ZMYM3: variants seen among roughly 807,000 people sequenced by gnomAD.
ZMYM3 encodes the protein zinc finger MYM-type protein 3.
In ZMYM3, 6 loss-of-function variants were observed where a neutral mutation model predicts 94.2. That is an observed-to-expected ratio of 0.06 (90% CI 0.03 to 0.13). The LOEUF (loss-of-function observed/expected upper bound fraction) is 0.13. Among genes scored for constraint, ZMYM3 ranks in the 10% least tolerant of loss-of-function variants. ZMYM3 has a pLI of 1.00. For synonymous variants in ZMYM3, 420 were observed against 426.5 expected, an observed-to-expected ratio of 0.98 and a Z score of 0.19; for missense variants, 664 against 1,132.6, an observed-to-expected ratio of 0.59 and a Z score of 5.94.
chrX:71,248,327 C>T lies in ZMYM3; in HGVS notation c.1825-15G>A. On this transcript the variant is annotated splice_polypyrimidine_tract_variant and intron_variant, in intron 10 of 24. Coordinates refer to ENST00000314425, the MANE Select transcript of ZMYM3 (RefSeq NM_201599.3). ...AACACTTGGTCCTGAGGTGGGGGCA[C>T]AGGGCAGGGAGGACAAGCTGTAACA... is the stretch of plus-strand genomic sequence containing the variant. 1 of 1,196,494 alleles carries T rather than the reference C, an allele frequency of 8.4e-7. No homozygotes were observed. The highest frequency in any genetic ancestry group is 1.1e-6 in the Non-Finnish European group (1 of 887,212).
chrX:71,251,806 GA>G (rs1264670576), intron 2 of ZMYM3: 6,180 of 450,682 alleles, frequency 0.014, 1 homozygote, highest in Non-Finnish European at 0.015. Context: ...GCTATTCCAT[GA>G]AAAAAAAAAA....
chrX:71,248,629 C>G, intron 9 of ZMYM3, 57 bp downstream of exon 9: 1 of 1,154,908 alleles, frequency 8.7e-7, no homozygotes, highest in Non-Finnish European at 1.2e-6. Context: ...TACCCCAATT[C>G]TCCAACCCTC....
In ZMYM3 at chrX:71,246,363, T is replaced by G. The variant is rs140106647; in HGVS notation, c.2562A>C (p.Gly854=). Residue 854 remains glycine (G), a synonymous_variant, in exon 15 of 25, where the codon GGA becomes GGC. Transcript: ENST00000314425. ...VSCKVEMKSK[G]SQTEEWKPQV... ...GGTACCCTGGCTCACCTGTTTGACT[T>G]CCTTTGGACTTCATCTCCACCTTGC... 3.3e-6 allele frequency: 4 copies of G among 1,206,009 alleles called. No individual in the cohort carries two copies. In the African/African-American group the frequency reaches 7.1e-5, roughly 21 times the overall value.
Position 71,247,441 on chromosome X carries a change from G to A in ZMYM3, c.2218C>T (p.Arg740Cys), listed in dbSNP as rs1307054281. The change falls in exon 13 of 25, where the codon CGT becomes TGT. Residue 740 changes from arginine to cysteine, a missense_variant. Coordinates refer to ENST00000314425, the MANE Select transcript of ZMYM3 (RefSeq NM_201599.3). ...AGACACTGCTGGTTGCAGAAATGAC[G>A]GATCTGCCCACGCCAGTGGATGGTC... is the stretch of plus-strand genomic sequence containing the variant. The part of the protein sequence containing the change: ...LETIHWRGQI[R>C]HFCNQQCLLR... 5.0e-6 allele frequency: 6 copies of A among 1,210,746 alleles called. No homozygotes were observed. The South Asian group carries it at 7.1e-5, about 14-fold the overall frequency.
chrX:71,248,358 C>T (rs751764281), intron 10 of ZMYM3, 46 bp from the exon 11 acceptor site: 1 of 1,192,461 alleles, frequency 8.4e-7, no homozygotes, highest in African/African-American at 1.7e-5. Context: ...TAACATCTGG[C>T]CCCAGCAGGG....
upstream of ZMYM3, chrX:71,254,856 G>A (rs977391456): frequency 4.5e-5 from 5 of 111,110 alleles, no homozygotes; most frequent in African/African-American, 1.6e-4. Context: ...AGAGTTATGG[G>A]GTATCTGAAG....
At position 71,248,571 on chromosome X, in the gene ZMYM3, G is replaced by A. The variant is rs138211812; in HGVS notation, c.1738-47C>T. On this transcript the variant is annotated intron_variant, in intron 9 of 24. Transcript: ENST00000314425. ...AAGGGAGGGGCAAGATGTGTGCAGC[G>A]GTGGGGAAGGGGAGTCAGGCTTGTT... 1.7e-3 allele frequency: 2,028 copies of A among 1,171,172 alleles called. 23 individuals carry two copies. The African/African-American group carries it at 0.033, about 19-fold the overall frequency.
At chrX:71,249,923 C>T in intron 6 of ZMYM3, 103 bp downstream of exon 6, 1 of 1,079,548 alleles carries the variant, frequency 9.3e-7, no homozygotes, top group Non-Finnish European at 1.2e-6. Context: ...CCTTTCCTCC[C>T]CACTCCCCTT....
Position 71,244,241 on chromosome X carries a change from C to A in ZMYM3, c.3280+61G>T, listed in dbSNP as rs1275381705. 7 of 1,157,926 alleles carry A rather than the reference C, an allele frequency of 6.0e-6. No homozygotes were observed. In the East Asian group the frequency reaches 1.8e-4, roughly 30 times the overall value. ...CTGAATCACAGGCCCAGCCCCTTCT[C>A]CCCTTTCCCCTCCTCCTCCCTGTCC... On this transcript the variant is annotated intron_variant, in intron 20 of 24. Transcript: ENST00000314425.
Position 71,248,444 on chromosome X carries a change from G to C in ZMYM3, c.1818C>G (p.Asp606Glu). 8.3e-7 allele frequency: 1 copy of C among 1,210,390 alleles called. No homozygotes were observed. The highest frequency in any genetic ancestry group is 1.1e-6 in the Non-Finnish European group (1 of 894,669). ...SLFSGKPEVLDWQDQVFQFCC... is the reference protein window; with the variant it reads ...SLFSGKPEVLEWQDQVFQFCC... ...GTGGGGGTGGGGCTCTTACCTGCCA[G>C]TCCAAGACCTCAGGCTTGCCACTGA... is the stretch of plus-strand genomic sequence containing the variant. The change falls in exon 10 of 25, where the codon GAC (aspartate) becomes GAG (glutamate). Residue 606 changes from aspartate (D) to glutamate (E), a missense_variant. Transcript: ENST00000314425.
intron 18 of ZMYM3, 70 bp from the exon 19 acceptor site, chrX:71,244,963 C>A: frequency 1.1e-6 from 1 of 909,100 alleles, no homozygotes. Context: ...CTGCCCCACC[C>A]CTGCTACTTG....
At chrX:71,249,736 A>G in intron 6 of ZMYM3, 57 bp from the exon 7 acceptor site, 2 of 1,168,191 alleles carry the variant, frequency 1.7e-6, no homozygotes, top group Non-Finnish European at 2.3e-6. Context: ...GCCCACCCCA[A>G]TGCAAGGTCA....
At chrX:71,244,988 G>C in intron 18 of ZMYM3, 95 bp from the exon 19 acceptor site, 2 of 741,902 alleles carry the variant, frequency 2.7e-6, no homozygotes, top group Non-Finnish European at 4.0e-6. Context: ...CTTGACACTA[G>C]ATGAGCCAAA....
intron 20 of ZMYM3, 124 bp downstream of exon 20, chrX:71,244,178 T>G: frequency 2.0e-6 from 2 of 1,023,608 alleles, no homozygotes; most frequent in Non-Finnish European, 2.6e-6. Flanking sequence ...AGGGCATCCT[T>G]AAGGGATCAC....
chrX:71,239,691 C>A lies in ZMYM3; in HGVS notation c.*1225G>T, dbSNP rs1451811597. ...AGAAGGTTAGTCGTGACAACAGCTT[C>A]TCACTACAACACAAGGGTGGGCATG... is the stretch of plus-strand genomic sequence containing the variant. On this transcript the variant is annotated 3_prime_UTR_variant, in exon 25 of 25. Coordinates refer to ENST00000314425, the MANE Select transcript of ZMYM3 (RefSeq NM_201599.3). 8.9e-6 allele frequency: 1 copy of A among 112,829 alleles called. No homozygotes were observed. The highest frequency in any genetic ancestry group is 1.9e-5 in the Non-Finnish European group (1 of 53,354). 9.3% of individuals were successfully genotyped at this position (112,829 alleles called of 1,213,427 possible). A position where few individuals can be genotyped will look rare whatever the true frequency, so the allele number is the denominator to read the frequency against.
At chrX:71,250,247 C>G (rs369575911) in intron 5 of ZMYM3, 44 bp from the exon 6 acceptor site, 98 of 1,126,174 alleles carry the variant, frequency 8.7e-5, no homozygotes, top group Non-Finnish European at 1.1e-4. Context: ...AGACCACCCT[C>G]TCATTTCCTC....
upstream of ZMYM3, chrX:71,254,586 C>T (rs1015229894): frequency 9.1e-6 from 1 of 109,881 alleles, no homozygotes; most frequent in Non-Finnish European, 1.9e-5. Context: ...GGTCCCCTCC[C>T]CCTCCCCGTG....
chrX:71,251,486 A>G (rs754486017), intron 3 of ZMYM3, 72 bp downstream of exon 3: 594 of 1,119,928 alleles, frequency 5.3e-4, no homozygotes, highest in South Asian at 5.6e-4. Context: ...AACATCTGGG[A>G]GGGAAAATGA....
At position 71,251,645 on chromosome X, in the gene ZMYM3, C is replaced by T. The variant is rs756182745; in HGVS notation, c.668-44G>A. On this transcript the variant is annotated intron_variant, in intron 2 of 24. Coordinates refer to ENST00000314425, the MANE Select transcript of ZMYM3 (RefSeq NM_201599.3). ...GCAGCCTAAATGTTGAGCCTGCCCT[C>T]ACCACCCTCTCCCCGGCCCAACCCC... 6.5e-5 allele frequency: 73 copies of T among 1,130,896 alleles called. 1 individual carries two copies. In the South Asian group the frequency reaches 1.5e-3, roughly 23 times the overall value. 93.2% of individuals were successfully genotyped at this position (1,130,896 alleles called of 1,213,427 possible). A position where few individuals can be genotyped will look rare whatever the true frequency, so the allele number is the denominator to read the frequency against.
Sources: allele counts gnomAD v4.1 joint callset, GRCh38; gene constraint gnomAD v4.1.1; transcripts MANE v1.5; gene names NCBI Gene and HGNC (gene_info 2026-07-23, HGNC 2026-07-21).